Variants in HNRNPC observed in about 807,000 individuals in gnomAD.
HNRNPC encodes the protein heterogeneous nuclear ribonucleoproteins C1/C2.
Under a neutral mutation model 33.2 loss-of-function variants are expected in HNRNPC, and 3 were observed. The ratio of observed to expected loss-of-function variants is 0.09; its 90% CI spans 0.04 to 0.23. HNRNPC has a LOEUF of 0.23. Among genes scored for constraint, HNRNPC ranks in the 10% least tolerant of loss-of-function variants. The probability of loss-of-function intolerance (pLI) is 1.00; values close to 1 mark genes in which losing one functional copy is unlikely to be tolerated. For missense variants in HNRNPC, 143 were observed against 366.7 expected (o/e 0.39, Z 4.98); for synonymous variants, 121 against 126.7 (o/e 0.96, Z 0.30).
At position 21,257,189 on chromosome 14, in the gene HNRNPC, A is replaced by G. The variant is rs902836204; in HGVS notation, c.-37+6122T>C. ...ACTGAATTGGTATGACATTCGAAAG[A>G]AAAGTATAGGCTGTTGATCTTAAGT... On this transcript the variant is annotated intron_variant, in intron 2 of 8. Transcript: ENST00000553300. Among the ~76,000 whole-genome samples the G allele has an allele frequency of 2.6e-5, 4 of 152,194 alleles. No homozygotes were observed. In the East Asian group the frequency reaches 5.8e-4, roughly 22 times the overall value.
chr14:21,234,524 C>T (rs891170620), intron 2 of HNRNPC, among the ~76,000 whole-genome samples: 2 of 152,182 alleles, frequency 1.3e-5, no homozygotes, highest in Admixed American at 1.3e-4. Flanking sequence ...TTTCCTTGGA[C>T]ATAATTCCAA....
chr14:21,218,115 A>G (rs1340374050), intron 5 of HNRNPC, among the ~76,000 whole-genome samples: 1 of 152,130 alleles, frequency 6.6e-6, no homozygotes, highest in South Asian at 2.1e-4. Context: ...GGTACACGAT[A>G]CCAAGCCAAG....
At chr14:21,254,228 G>C (rs7153001) in intron 2 of HNRNPC, among the ~76,000 whole-genome samples, 1 of 152,068 alleles carries the variant, frequency 6.6e-6, no homozygotes, top group Non-Finnish European at 1.5e-5. Flanking sequence ...AAATGGGGAC[G>C]AGTACAACAG....
intron 6 of HNRNPC, 87 bp from the exon 7 acceptor site, chr14:21,212,010 G>C: frequency 2.0e-6 from 2 of 1,000,864 alleles, no homozygotes; most frequent in Non-Finnish European, 3.1e-6. Flanking sequence ...TACATCAGGA[G>C]CTCACAGGAG....
intron 2 of HNRNPC, among the ~76,000 whole-genome samples, chr14:21,250,580 C>T (rs7141230): frequency 0.34 from 52,317 of 152,024 alleles, 9,161 homozygotes; most frequent in Admixed American, 0.39. Context: ...TATTTCAGAA[C>T]AGCATATGTA....
intron 5 of HNRNPC, among the ~76,000 whole-genome samples, chr14:21,219,174 T>C (rs1892559327): frequency 6.6e-6 from 1 of 152,138 alleles, no homozygotes; most frequent in Admixed American, 6.5e-5. Context: ...AATTCTCATT[T>C]TATCAACATA....
chr14:21,222,421 T>C (rs1892930321), intron 5 of HNRNPC, among the ~76,000 whole-genome samples: 1 of 151,710 alleles, frequency 6.6e-6, no homozygotes, highest in Non-Finnish European at 1.5e-5. Flanking sequence ...ATTTTAGGCA[T>C]TCATATAAAT....
intron 2 of HNRNPC, among the ~76,000 whole-genome samples, chr14:21,251,640 C>G (rs1334406646): frequency 6.6e-6 from 1 of 152,070 alleles, no homozygotes; most frequent in Non-Finnish European, 1.5e-5. Context: ...CAAGACTGCG[C>G]CGCTGCACTC....
chr14:21,236,233 G>A (rs796193546), intron 2 of HNRNPC: 1 of 152,262 alleles, frequency 6.6e-6, no homozygotes, highest in African/African-American at 2.4e-5. Flanking sequence ...TGGTTGTTAT[G>A]AGTTTAAGGA....
At chr14:21,231,127 CTACAAAG>C in intron 3 of HNRNPC, 55 bp from the exon 4 acceptor site, 1 of 1,520,538 alleles carries the variant, frequency 6.6e-7, no homozygotes, top group Non-Finnish European at 9.1e-7. Context: ...GTAAAACAAA[CTACAAAG>C]TTTATTTTTT....
At chr14:21,244,461 A>C (rs971331380) in intron 2 of HNRNPC, among the ~76,000 whole-genome samples, 2 of 152,220 alleles carry the variant, frequency 1.3e-5, no homozygotes, top group African/African-American at 4.8e-5. Context: ...AAGATGCTAA[A>C]AATTCCATTT....
At position 21,209,931 on chromosome 14, in the gene HNRNPC, G is replaced by A. The variant is rs1252729343; in HGVS notation, c.*1292C>T. On this transcript the variant is annotated 3_prime_UTR_variant, in exon 9 of 9. Coordinates refer to ENST00000553300, the MANE Select transcript of HNRNPC (RefSeq NM_004500.4). ...TGCAATCACTGTAATTAATAAAGTT[G>A]AGGAAAACACAAAGATTAGCTAACA... The A allele has an allele frequency of 6.6e-6, 1 of 152,154 alleles. No homozygotes were observed. Among genetic ancestry groups the A allele is most frequent in the Non-Finnish European group, 1.5e-5 (1 of 68,020 alleles). 9.4% of individuals were successfully genotyped at this position (152,154 alleles called of 1,614,324 possible).
intron 2 of HNRNPC, among the ~76,000 whole-genome samples, chr14:21,237,619 G>A (rs1423778358): frequency 6.6e-6 from 1 of 152,164 alleles, no homozygotes; most frequent in Admixed American, 6.5e-5. Flanking sequence ...AGGTAGTATG[G>A]TGTGGTTTCT....
At chr14:21,229,710 T>C (rs1246299400) in intron 5 of HNRNPC, among the ~76,000 whole-genome samples, 1 of 152,256 alleles carries the variant, frequency 6.6e-6, no homozygotes, top group East Asian at 1.9e-4. Context: ...CAGTAATTTT[T>C]ATTCCAAAAT....
At chr14:21,242,931 C>T (rs1895529752) in intron 2 of HNRNPC, among the ~76,000 whole-genome samples, 1 of 152,124 alleles carries the variant, frequency 6.6e-6, no homozygotes, top group Non-Finnish European at 1.5e-5. Flanking sequence ...GCAGTGCCGG[C>T]ATGGCCAATG....
In HNRNPC at chr14:21,245,858, G is replaced by GT. The variant is rs200487563; in HGVS notation, c.-36-11630dup. 8.3e-3 allele frequency among the ~76,000 whole-genome samples: 1,265 copies of GT among 151,878 alleles called. 25 individuals are homozygous for GT. Among genetic ancestry groups the GT allele is most frequent in the African/African-American group, 0.029 (1,214 of 41,414 alleles). ...CCATTATAATCTCTTTTACTTTTTA[G>GT]TTTTTTTTGAGGAGTCTCCCTCTGT... is the stretch of plus-strand genomic sequence containing the variant. On this transcript the variant is annotated intron_variant, in intron 2 of 8. Transcript: ENST00000553300.
intron 1 of HNRNPC, chr14:21,265,443 A>C (rs1413707158): frequency 6.6e-6 from 1 of 152,174 alleles, no homozygotes; most frequent in Non-Finnish European, 1.5e-5. Context: ...GTATCTCCCA[A>C]GATGTTATTT....
chr14:21,239,491 T>C (rs1895105361), intron 2 of HNRNPC, among the ~76,000 whole-genome samples: 1 of 151,348 alleles, frequency 6.6e-6, no homozygotes. Flanking sequence ...AAAAAAAATG[T>C]CCTCAACAAA....
At chr14:21,266,720 C>A (rs974374990) in intron 1 of HNRNPC, among the ~76,000 whole-genome samples, 1 of 150,550 alleles carries the variant, frequency 6.6e-6, no homozygotes, top group African/African-American at 2.4e-5. Context: ...GCAAATAATG[C>A]TCCCCAGAGA....
Sources: gnomAD v4.1 joint callset for allele counts (sites outside exome capture counted in the v4.1 genomes callset) on GRCh38, gnomAD v4.1.1 for gene constraint, MANE v1.5 for transcripts, NCBI Gene and HGNC (gene_info 2026-07-23, HGNC 2026-07-21) for gene names.